The following ARHGAP15 variants were observed in gnomAD, a reference collection of about 807,000 sequenced individuals.
The protein encoded by ARHGAP15 is rho GTPase-activating protein 15.
ARHGAP15 carries 51 observed loss-of-function variants against 63.7 expected under a neutral mutation model. The ratio of observed to expected loss-of-function variants is 0.80; its 90% CI spans 0.64 to 1.01. The LOEUF is 1.01. Among genes scored for constraint, ARHGAP15 ranks in the 50% least tolerant of loss-of-function variants. The pLI is 0.00. For synonymous variants in ARHGAP15, 191 were observed against 193.8 expected, an observed-to-expected ratio of 0.99 and a Z score of 0.12; for missense variants, 560 against 564.6, an observed-to-expected ratio of 0.99 and a Z score of 0.08.
At chr2:143,439,813 T>A (rs1689797777) in intron 8 of ARHGAP15, among the ~76,000 whole-genome samples, 1 of 152,126 alleles carries the variant, frequency 6.6e-6, no homozygotes, top group Non-Finnish European at 1.5e-5. Context: ...TAAACTTAGT[T>A]TATATCGAAC....
At chr2:143,591,614 C>T (rs5741583) in intron 11 of ARHGAP15, among the ~76,000 whole-genome samples, 2,348 of 123,772 alleles carry the variant, frequency 0.019, 38 homozygotes, top group African/African-American at 0.053. Flanking sequence ...TTTGTTTGTT[C>T]TTTTTTTTTT....
At chr2:143,717,828 C>A (rs765991258) in intron 13 of ARHGAP15, among the ~76,000 whole-genome samples, 5 of 150,860 alleles carry the variant, frequency 3.3e-5, no homozygotes, top group Non-Finnish European at 5.9e-5. Context: ...GCACCCGCTC[C>A]AGGAAACTGC....
chr2:143,482,198 G>C (rs1692110500), intron 8 of ARHGAP15, among the ~76,000 whole-genome samples: 1 of 151,812 alleles, frequency 6.6e-6, no homozygotes, highest in African/African-American at 2.4e-5. Context: ...AAATATTTCA[G>C]AGTTTAAACC....
chr2:143,520,453 G>T (rs984940134), intron 10 of ARHGAP15, among the ~76,000 whole-genome samples: 3 of 151,940 alleles, frequency 2.0e-5, no homozygotes, highest in African/African-American at 7.3e-5. Context: ...GGGAAGAGTG[G>T]GTAGGGAATG....
chr2:143,283,943 G>T (rs372102375), intron 6 of ARHGAP15, among the ~76,000 whole-genome samples: 71 of 151,746 alleles, frequency 4.7e-4, no homozygotes, highest in African/African-American at 1.3e-3. Context: ...AAATTCTATC[G>T]CCAATCCTTT....
chr2:143,615,903 G>A (rs191598520), intron 11 of ARHGAP15, among the ~76,000 whole-genome samples: 18 of 152,158 alleles, frequency 1.2e-4, no homozygotes, highest in African/African-American at 3.4e-4. Context: ...CATTGTGTAC[G>A]GTATCTATAG....
chr2:143,483,510 T>G (rs1692174188), intron 8 of ARHGAP15, among the ~76,000 whole-genome samples: 2 of 152,226 alleles, frequency 1.3e-5, no homozygotes, highest in African/African-American at 4.8e-5. Flanking sequence ...GATTGATTAT[T>G]CTGTGTCATT....
intron 9 of ARHGAP15, among the ~76,000 whole-genome samples, chr2:143,516,558 C>T (rs1332824830): frequency 6.6e-6 from 1 of 152,114 alleles, no homozygotes; most frequent in Non-Finnish European, 1.5e-5. Context: ...ATATTACAAA[C>T]TTCTCGATAT....
chr2:143,767,631 A>T (rs553827974), intron 13 of ARHGAP15, among the ~76,000 whole-genome samples: 9 of 152,100 alleles, frequency 5.9e-5, no homozygotes, highest in South Asian at 2.1e-4. Context: ...TTATATATAT[A>T]TTTTTTTGCA....
intron 6 of ARHGAP15, among the ~76,000 whole-genome samples, chr2:143,334,463 T>G (rs1684686389): frequency 6.6e-6 from 1 of 152,214 alleles, no homozygotes; most frequent in Non-Finnish European, 1.5e-5. Flanking sequence ...TTTTCTATTT[T>G]AAAGTTAAAT....
chr2:143,473,932 T>C (rs1223347051), intron 8 of ARHGAP15, among the ~76,000 whole-genome samples: 2 of 152,168 alleles, frequency 1.3e-5, no homozygotes, highest in African/African-American at 4.8e-5. Context: ...AGTTCCATTT[T>C]GTGAAGAGTA....
At chr2:143,563,497 T>C (rs1007854848) in intron 11 of ARHGAP15, among the ~76,000 whole-genome samples, 1 of 152,234 alleles carries the variant, frequency 6.6e-6, no homozygotes, top group Non-Finnish European at 1.5e-5. Flanking sequence ...ATGTTGTCAG[T>C]ATGGTTTGGG....
intron 12 of ARHGAP15, among the ~76,000 whole-genome samples, chr2:143,652,939 T>C (rs1681245887): frequency 6.6e-6 from 1 of 152,062 alleles, no homozygotes; most frequent in African/African-American, 2.4e-5. Context: ...TCTAGTACCA[T>C]GTTAAGTAGA....
chr2:143,329,025 A>G (rs995716685), intron 6 of ARHGAP15, among the ~76,000 whole-genome samples: 4 of 152,194 alleles, frequency 2.6e-5, no homozygotes, highest in South Asian at 2.1e-4. Context: ...CAACTTGTAC[A>G]TTTATATTCT....
intron 3 of ARHGAP15, among the ~76,000 whole-genome samples, chr2:143,207,781 C>T (rs1033930314): frequency 9.2e-5 from 14 of 152,256 alleles, no homozygotes; most frequent in African/African-American, 2.6e-4. Context: ...CCAATAATCA[C>T]CCATTCCCCC....
At chr2:143,640,404 G>A (rs566439102) in intron 12 of ARHGAP15, among the ~76,000 whole-genome samples, 1 of 152,172 alleles carries the variant, frequency 6.6e-6, no homozygotes, top group East Asian at 1.9e-4. Flanking sequence ...CTCTCCAAAT[G>A]TTCCTATCTG....
At chr2:143,522,681 G>A (rs528347373) in intron 10 of ARHGAP15, among the ~76,000 whole-genome samples, 5 of 152,162 alleles carry the variant, frequency 3.3e-5, no homozygotes, top group Admixed American at 6.5e-5. Flanking sequence ...ATACACTAAC[G>A]CTAACAATAG....
At position 143,663,417 on chromosome 2, in the gene ARHGAP15, G is replaced by A. The variant is rs754939623; in HGVS notation, c.1138+39150G>A. The stretch of plus-strand genomic sequence containing the variant: ...CCCTAAAAGAGCTCCTGAAGGAAGC[G>A]CTAAACATGGAAAGGAACAACCGGT... On this transcript the variant is annotated intron_variant, in intron 12 of 13. Transcript: ENST00000295095. Among the ~76,000 whole-genome samples the A allele has an allele frequency of 9.2e-3, 1,340 of 146,148 alleles. 4 individuals carry two copies. The highest frequency in any genetic ancestry group is 0.013 in the Non-Finnish European group (884 of 65,696).
At chr2:143,323,429 G>T (rs1051582999) in intron 6 of ARHGAP15, among the ~76,000 whole-genome samples, 3 of 152,166 alleles carry the variant, frequency 2.0e-5, no homozygotes, top group African/African-American at 7.2e-5. Context: ...GTCTATGAAT[G>T]TGGGAATTGA....
Sources: gnomAD v4.1 joint callset for allele counts (sites outside exome capture counted in the v4.1 genomes callset) on GRCh38, gnomAD v4.1.1 for gene constraint, MANE v1.5 for transcripts, NCBI Gene and HGNC (gene_info 2026-07-23, HGNC 2026-07-21) for gene names.